The following TMEM51 variants were observed in gnomAD, a reference collection of about 807,000 sequenced individuals.
The protein encoded by TMEM51 is chromosome 1 open reading frame 72.
TMEM51 carries 8 observed loss-of-function variants against 13.6 expected under a neutral mutation model. That is an observed-to-expected ratio of 0.59 (90% CI 0.35 to 1.07). TMEM51 has a LOEUF of 1.07. Ranked by LOEUF, TMEM51 falls within the 50% of genes least tolerant of loss-of-function variation. The probability of loss-of-function intolerance (pLI) is 0.02; values close to 1 mark genes in which losing one functional copy is unlikely to be tolerated. For synonymous variants in TMEM51, 147 were observed against 144.4 expected (o/e 1.02, Z -0.13); for missense variants, 279 against 330.7 (o/e 0.84, Z 1.21).
intron 1 of TMEM51, among the ~76,000 whole-genome samples, chr1:15,169,703 A>G (rs1573386085): frequency 6.6e-6 from 1 of 152,302 alleles, no homozygotes; most frequent in East Asian, 1.9e-4. Flanking sequence ...ATACAAGGGG[A>G]ACACCACATG....
At chr1:15,198,382 A>G (rs1398322643) in intron 1 of TMEM51, among the ~76,000 whole-genome samples, 1 of 152,136 alleles carries the variant, frequency 6.6e-6, no homozygotes, top group African/African-American at 2.4e-5. Flanking sequence ...AGGAAGGGGA[A>G]CACGGATATT....
At chr1:15,165,974 A>G (rs1330130733) in intron 1 of TMEM51, among the ~76,000 whole-genome samples, 1 of 152,212 alleles carries the variant, frequency 6.6e-6, no homozygotes, top group Non-Finnish European at 1.5e-5. Context: ...TTGCAGCAAT[A>G]TCCCATTTTT....
rs1015547118 is a variant in TMEM51 at position 15,162,652 on chromosome 1, G to T, written c.-267+8698G>T. On this transcript the variant is annotated intron_variant, in intron 1 of 3. Transcript: ENST00000376008. ...AGGATGAATGAATAAACAAAATGTGGTCTATCCATACAGTGGAATATTATT... is the reference window on the plus strand; with the variant it reads ...AGGATGAATGAATAAACAAAATGTGTTCTATCCATACAGTGGAATATTATT... Among the ~76,000 whole-genome samples, 5 of 152,170 alleles carry T rather than the reference G, an allele frequency of 3.3e-5. 1 individual carries two copies. Among genetic ancestry groups the T allele is most frequent in the Admixed American group, 3.3e-4 (5 of 15,286 alleles).
chr1:15,191,697 C>A (rs1370043590), intron 1 of TMEM51: 11 of 310,892 alleles, frequency 3.5e-5, no homozygotes, highest in Non-Finnish European at 6.3e-5. Context: ...GATCACTCAT[C>A]CCAAATGCAA....
chr1:15,218,386 G>A (rs775863896), intron 3 of TMEM51, among the ~76,000 whole-genome samples: 2 of 152,142 alleles, frequency 1.3e-5, no homozygotes, highest in Non-Finnish European at 2.9e-5. Context: ...GCAGCATGTC[G>A]CTAAGTGGGA....
intron 1 of TMEM51, chr1:15,192,134 C>T: frequency 2.2e-6 from 1 of 456,902 alleles, no homozygotes; most frequent in South Asian, 1.7e-5. Context: ...TTTTGATGAA[C>T]AGCATTTTCA....
chr1:15,190,760 TGTTTTTG>T lies in TMEM51; in HGVS notation c.-266-19716_-266-19710del, dbSNP rs199930607. ...TGTAGTCCCAAGAGTTTTTTTGTTT[TGTTTTTG>T]GTTTTTGGTTTTTTGTTTTGTTTTT... On this transcript the variant is annotated intron_variant, in intron 1 of 3. Transcript: ENST00000376008. 2.6e-3 allele frequency among the ~76,000 whole-genome samples: 397 copies of T among 152,242 alleles called. 7 individuals carry two copies. The highest frequency in any genetic ancestry group is 0.019 in the Admixed American group (295 of 15,296).
chr1:15,176,639 G>A (rs1037408894), intron 1 of TMEM51, among the ~76,000 whole-genome samples: 1 of 152,214 alleles, frequency 6.6e-6, no homozygotes, highest in Admixed American at 6.5e-5. Context: ...CCCTGAGAGA[G>A]AACATGTTTT....
intron 1 of TMEM51, among the ~76,000 whole-genome samples, chr1:15,164,779 C>T (rs183014970): frequency 7.7e-5 from 11 of 142,268 alleles, no homozygotes; most frequent in African/African-American, 1.8e-4. Context: ...TGAATCCATG[C>T]GGGAGCTTTG....
At chr1:15,157,482 G>C (rs1263226036) in intron 1 of TMEM51, among the ~76,000 whole-genome samples, 1 of 152,206 alleles carries the variant, frequency 6.6e-6, no homozygotes, top group Non-Finnish European at 1.5e-5. Context: ...GCCAGGACCA[G>C]AACCCGAGGT....
chr1:15,197,090 A>G (rs1020279044), intron 1 of TMEM51, among the ~76,000 whole-genome samples: 3 of 152,194 alleles, frequency 2.0e-5, no homozygotes, highest in African/African-American at 7.2e-5. Flanking sequence ...TCTCTGCCCA[A>G]TGCTCTGAGC....
chr1:15,163,405 G>A (rs543485327), intron 1 of TMEM51, among the ~76,000 whole-genome samples: 1 of 151,966 alleles, frequency 6.6e-6, no homozygotes, highest in South Asian at 2.1e-4. Flanking sequence ...TATTACTGCT[G>A]CCTTACCCCA....
At chr1:15,165,378 G>A (rs530401774) in intron 1 of TMEM51, among the ~76,000 whole-genome samples, 1 of 152,292 alleles carries the variant, frequency 6.6e-6, no homozygotes, top group Admixed American at 6.5e-5. Context: ...CAGCCTCATT[G>A]TATTAAAGGA....
chr1:15,175,519 A>C (rs1187508417), intron 1 of TMEM51, among the ~76,000 whole-genome samples: 3 of 152,216 alleles, frequency 2.0e-5, no homozygotes, highest in Non-Finnish European at 4.4e-5. Context: ...GGGCCTTTGC[A>C]CTGGCTACCT....
chr1:15,206,352 G>T (rs11589927), intron 1 of TMEM51, among the ~76,000 whole-genome samples: 3,033 of 147,468 alleles, frequency 0.021, 102 homozygotes, highest in African/African-American at 0.07. Flanking sequence ...AAGGAAGGAG[G>T]GAAGGAAGGA....
At chr1:15,154,772 G>T (rs1433416662) in intron 1 of TMEM51, among the ~76,000 whole-genome samples, 2 of 152,172 alleles carry the variant, frequency 1.3e-5, no homozygotes, top group African/African-American at 4.8e-5. Flanking sequence ...CCAGGGAGCA[G>T]CCCGTGGGGT....
chr1:15,217,872 G>C (rs938236325), intron 3 of TMEM51, among the ~76,000 whole-genome samples: 1 of 152,092 alleles, frequency 6.6e-6, no homozygotes, highest in Non-Finnish European at 1.5e-5. Flanking sequence ...TGTTTAATAT[G>C]GGCAACCATG....
At chr1:15,173,053 G>C (rs1364174771) in intron 1 of TMEM51, among the ~76,000 whole-genome samples, 1 of 152,098 alleles carries the variant, frequency 6.6e-6, no homozygotes, top group East Asian at 1.9e-4. Flanking sequence ...GGAGGGTTGT[G>C]GGAACCGAAT....
intron 1 of TMEM51, among the ~76,000 whole-genome samples, chr1:15,205,525 T>C (rs943027930): frequency 2.6e-5 from 4 of 152,200 alleles, no homozygotes; most frequent in African/African-American, 9.6e-5. Context: ...CCTCCTCAAA[T>C]TGAATCCGTC....
Sources: allele counts gnomAD v4.1 joint callset (sites outside exome capture counted in the v4.1 genomes callset), GRCh38; gene constraint gnomAD v4.1.1; transcripts MANE v1.5; gene names NCBI Gene and HGNC (gene_info 2026-07-23, HGNC 2026-07-21).